The following PANX1 variants were observed in gnomAD, a reference collection of about 807,000 sequenced individuals.
PANX1 encodes the protein pannexin-1.
PANX1 carries 30 observed loss-of-function variants against 38.7 expected under a neutral mutation model. The observed-to-expected ratio is 0.78, with a 90% confidence interval of 0.58 to 1.05. The LOEUF is 1.05. Ranked by LOEUF, PANX1 falls within the 50% of genes least tolerant of loss-of-function variation. The probability of loss-of-function intolerance (pLI) is 0.00; values close to 1 mark genes in which losing one functional copy is unlikely to be tolerated. For missense variants in PANX1, 551 were observed against 517.2 expected (o/e 1.07, Z -0.63); for synonymous variants, 230 against 212.2 (o/e 1.08, Z -0.73).
intron 2 of PANX1, among the ~76,000 whole-genome samples, chr11:94,176,151 G>A (rs1392639969): frequency 4.6e-5 from 7 of 151,690 alleles, no homozygotes; most frequent in South Asian, 2.1e-4. Flanking sequence ...CTGGAATATC[G>A]TTTACTCTTC....
intron 1 of PANX1, among the ~76,000 whole-genome samples, chr11:94,142,561 C>G (rs551940122): frequency 2.0e-5 from 3 of 152,206 alleles, no homozygotes; most frequent in Non-Finnish European, 4.4e-5. Flanking sequence ...CCTAGGTTCC[C>G]TTCTCTCCTC....
intron 2 of PANX1, among the ~76,000 whole-genome samples, chr11:94,166,085 G>A (rs927456487): frequency 6.6e-6 from 1 of 152,000 alleles, no homozygotes; most frequent in Non-Finnish European, 1.5e-5. Context: ...TCGACTTCTT[G>A]TCACTTTATA....
At chr11:94,158,686 A>G (rs1946984460) in intron 2 of PANX1, among the ~76,000 whole-genome samples, 1 of 152,228 alleles carries the variant, frequency 6.6e-6, no homozygotes, top group African/African-American at 2.4e-5. Flanking sequence ...CAATCATGTC[A>G]TCTGCAAACA....
intron 2 of PANX1, among the ~76,000 whole-genome samples, chr11:94,168,487 A>G (rs1194869019): frequency 6.6e-6 from 1 of 151,180 alleles, no homozygotes; most frequent in Non-Finnish European, 1.5e-5. Context: ...GGTTCTAATT[A>G]GGGAACAGAA....
chr11:94,161,737 C>T (rs952095923), intron 2 of PANX1, among the ~76,000 whole-genome samples: 22 of 152,278 alleles, frequency 1.4e-4, no homozygotes, highest in African/African-American at 3.9e-4. Flanking sequence ...AGTCATTCTC[C>T]GTCCAGATTT....
intron 2 of PANX1, among the ~76,000 whole-genome samples, chr11:94,173,081 T>C (rs1947186930): frequency 6.6e-6 from 1 of 151,782 alleles, no homozygotes; most frequent in African/African-American, 2.4e-5. Context: ...CTGTCTAGGA[T>C]TGTCTGTAAG....
At position 94,129,085 on chromosome 11, in the gene PANX1, G is replaced by A. The variant is rs562790441; in HGVS notation, c.-228G>A. ...GGAACCGCAGGAAGCGGAGCTCTCG[G>A]GTTCCCGCCCCGCCCCGCCCCGCCG... On this transcript the variant is annotated 5_prime_UTR_variant, in exon 1 of 5. Coordinates refer to ENST00000227638, the MANE Select transcript of PANX1 (RefSeq NM_015368.4). 5.1e-4 allele frequency: 193 copies of A among 381,812 alleles called. 3 individuals are homozygous for A. The South Asian group carries it at 6.4e-3, about 13-fold the overall frequency. The allele number at this position is 381,812 out of a possible 1,614,324, so 23.7% of individuals were successfully genotyped here.
intron 1 of PANX1, among the ~76,000 whole-genome samples, chr11:94,133,881 C>G (rs929601795): frequency 2.6e-5 from 4 of 152,156 alleles, no homozygotes; most frequent in African/African-American, 9.7e-5. Context: ...GGGAACTCTC[C>G]CAGAGTGGCT....
rs954181794 is a variant in PANX1, at chr11:94,179,485, G to A, written c.546-117G>A. ...TTATTTTTGACTACTGACGTTGTAG[G>A]TAAAGAAGTATGGGTGTTTGAAATT... On this transcript the variant is annotated intron_variant, in intron 3 of 4. Transcript: ENST00000227638. 2.7e-5 allele frequency: 18 copies of A among 666,932 alleles called. No homozygotes were observed. In the African/African-American group the frequency reaches 3.3e-4, roughly 12 times the overall value. The allele number at this position is 666,932 out of a possible 1,614,324, so 41.3% of individuals were successfully genotyped here.
chr11:94,177,371 T>C (rs1947246291), intron 2 of PANX1, among the ~76,000 whole-genome samples: 1 of 151,314 alleles, frequency 6.6e-6, no homozygotes, highest in Admixed American at 6.6e-5. Flanking sequence ...GATTAGAAGA[T>C]CACGCAAAAG....
At chr11:94,173,020 T>G (rs936926394) in intron 2 of PANX1, among the ~76,000 whole-genome samples, 1 of 151,776 alleles carries the variant, frequency 6.6e-6, no homozygotes, top group Non-Finnish European at 1.5e-5. Context: ...TGTAAGCTTC[T>G]CAGGGAGTGC....
chr11:94,162,322 G>C (rs60464761), intron 2 of PANX1, among the ~76,000 whole-genome samples: 8,457 of 152,250 alleles, frequency 0.056, 809 homozygotes, highest in African/African-American at 0.19. Flanking sequence ...CAGAGGTGGA[G>C]TCTACAGAGG....
intron 2 of PANX1, among the ~76,000 whole-genome samples, chr11:94,178,014 G>T (rs935055276): frequency 6.6e-6 from 1 of 152,092 alleles, no homozygotes; most frequent in Non-Finnish European, 1.5e-5. Flanking sequence ...CAAAAACCCA[G>T]CAGAAGCCTT....
chr11:94,162,535 T>C (rs1331820425), intron 2 of PANX1, among the ~76,000 whole-genome samples: 1 of 152,134 alleles, frequency 6.6e-6, no homozygotes, highest in African/African-American at 2.4e-5. Context: ...GGATATAATC[T>C]TCTGGTGTGC....
At position 94,178,390 on chromosome 11, in the gene PANX1, C is replaced by G. The variant is rs748725828; in HGVS notation, c.343C>G (p.Leu115Val). 24 of 1,613,872 alleles carry G rather than the reference C, an allele frequency of 1.5e-5. No individual in the cohort carries two copies. Among genetic ancestry groups the G allele is most frequent in the Non-Finnish European group, 2.0e-5 (24 of 1,179,900 alleles). Reference protein sequence around the residue: ...LHKFFPYILLLFAILLYLPPL... With the variant: ...LHKFFPYILLVFAILLYLPPL... Reference sequence around the variant, plus strand: ...TCAGTTTTTCCCCTACATCCTGCTGCTCTTTGCGATCCTCCTGTACCTGCC... The same window carrying G: ...TCAGTTTTTCCCCTACATCCTGCTGGTCTTTGCGATCCTCCTGTACCTGCC... The change falls in exon 3 of 5, where the codon CTC becomes GTC. Residue 115 changes from leucine to valine, a missense_variant. By Grantham distance (32) the Leu-to-Val change is conservative. Coordinates refer to ENST00000227638, the MANE Select transcript of PANX1 (RefSeq NM_015368.4).
At chr11:94,156,883 C>A (rs895905387) in intron 2 of PANX1, among the ~76,000 whole-genome samples, 2 of 151,964 alleles carry the variant, frequency 1.3e-5, no homozygotes, top group Non-Finnish European at 2.9e-5. Context: ...CCACTCCCCC[C>A]ACCCAAAAAC....
At chr11:94,149,422 GGGGAGATGTCTGT>G (rs1341366074) in intron 1 of PANX1, among the ~76,000 whole-genome samples, 2 of 152,202 alleles carry the variant, frequency 1.3e-5, no homozygotes, top group Non-Finnish European at 2.9e-5. Context: ...GAGGGTGGAT[GGGGAGATGTCTGT>G]GGCATGGATT....
intron 1 of PANX1, among the ~76,000 whole-genome samples, chr11:94,151,589 C>T (rs974990202): frequency 2.6e-5 from 4 of 152,168 alleles, no homozygotes; most frequent in African/African-American, 9.7e-5. Context: ...TTTACTGTTG[C>T]CCTCATAAGC....
chr11:94,158,956 G>T (rs955054052), intron 2 of PANX1, among the ~76,000 whole-genome samples: 1 of 152,200 alleles, frequency 6.6e-6, no homozygotes, highest in Non-Finnish European at 1.5e-5. Context: ...TTTCTAGCAT[G>T]AAGGGTTGTT....
Sources: gnomAD v4.1 joint callset for allele counts (sites outside exome capture counted in the v4.1 genomes callset) on GRCh38, gnomAD v4.1.1 for gene constraint, MANE v1.5 for transcripts, NCBI Gene and HGNC (gene_info 2026-07-23, HGNC 2026-07-21) for gene names.